The following DIS3L2 variants were observed in gnomAD, a reference collection of about 807,000 sequenced individuals.
The protein encoded by DIS3L2 is DIS3 like 3'-5' exoribonuclease 2.
Under a neutral mutation model 97.5 loss-of-function variants are expected in DIS3L2, and 34 were observed. The ratio of observed to expected loss-of-function variants is 0.35; its 90% CI spans 0.27 to 0.46. The LOEUF (loss-of-function observed/expected upper bound fraction) is 0.46, where lower values mean the gene tolerates loss of function less well. Among genes scored for constraint, DIS3L2 ranks in the 20% least tolerant of loss-of-function variants. The pLI, the probability that DIS3L2 is intolerant of heterozygous loss-of-function variation, is 1.00. For missense variants in DIS3L2, 1,038 were observed against 1,146.0 expected, an observed-to-expected ratio of 0.91 and a Z score of 1.36; for synonymous variants, 435 against 445.2, an observed-to-expected ratio of 0.98 and a Z score of 0.29.
chr2:232,097,008 G>A (rs1374492842), intron 6 of DIS3L2, among the ~76,000 whole-genome samples: 2 of 152,196 alleles, frequency 1.3e-5, no homozygotes, highest in Non-Finnish European at 2.9e-5. Context: ...ACATTGAAGA[G>A]TTAGGTATTT....
At chr2:232,083,877 C>T (rs1302761865) in intron 5 of DIS3L2, among the ~76,000 whole-genome samples, 1 of 152,138 alleles carries the variant, frequency 6.6e-6, no homozygotes, top group Non-Finnish European at 1.5e-5. Context: ...GAACTTCTCT[C>T]TCTGAGATAA....
chr2:232,013,421 A>G (rs1057118843), intron 1 of DIS3L2, among the ~76,000 whole-genome samples: 3 of 152,148 alleles, frequency 2.0e-5, no homozygotes, highest in Non-Finnish European at 1.5e-5. Context: ...CTCCCTTCAT[A>G]TAGGCTGGAC....
At chr2:232,146,603 A>G (rs911994645) in intron 8 of DIS3L2, among the ~76,000 whole-genome samples, 5 of 152,244 alleles carry the variant, frequency 3.3e-5, no homozygotes, top group South Asian at 2.1e-4. Flanking sequence ...TCTTGATGAC[A>G]TGTGACACAA....
intron 16 of DIS3L2, 84 bp from the exon 17 acceptor site, chr2:232,333,756 G>GAATAGCCA: frequency 6.7e-7 from 1 of 1,487,198 alleles, no homozygotes; most frequent in Non-Finnish European, 8.9e-7. Flanking sequence ...CGCTGCCGAC[G>GAATAGCCA]GTGAGGCTGT....
At chr2:231,963,808 T>TC (rs1409662878) in intron 1 of DIS3L2, among the ~76,000 whole-genome samples, 1 of 152,172 alleles carries the variant, frequency 6.6e-6, no homozygotes, top group Non-Finnish European at 1.5e-5. Context: ...AGCCTCGATT[T>TC]CCCAGGCTCA....
intron 1 of DIS3L2, among the ~76,000 whole-genome samples, chr2:231,969,088 C>A (rs1355335717): frequency 6.6e-6 from 1 of 152,072 alleles, no homozygotes; most frequent in Non-Finnish European, 1.5e-5. Context: ...TGAGTCTTTC[C>A]CAGCCGTGTG....
chr2:232,086,654 T>TACAC (rs1696650495), intron 5 of DIS3L2, among the ~76,000 whole-genome samples: 4 of 51,418 alleles, frequency 7.8e-5, no homozygotes, highest in African/African-American at 3.3e-4. Flanking sequence ...TGTATATATA[T>TACAC]ATATATGTGT....
intron 14 of DIS3L2, 26 bp from the exon 15 acceptor site, chr2:232,329,787 C>CCCGGGGGGGGGG: frequency 1.5e-5 from 16 of 1,062,196 alleles, no homozygotes; most frequent in South Asian, 2.1e-5. Flanking sequence ...CCCAGCGGTC[C>CCCGGGGGGGGGG]CTCCCATCCC....
chr2:232,047,394 AT>A (rs1695271646), intron 5 of DIS3L2, among the ~76,000 whole-genome samples: 1 of 152,212 alleles, frequency 6.6e-6, no homozygotes, highest in Non-Finnish European at 1.5e-5. Flanking sequence ...TTAAATGACT[AT>A]ATTTGAGGTT....
At chr2:232,020,134 T>C (rs1694472230) in intron 3 of DIS3L2, among the ~76,000 whole-genome samples, 1 of 151,996 alleles carries the variant, frequency 6.6e-6, no homozygotes, top group Non-Finnish European at 1.5e-5. Flanking sequence ...ATGGGACAAG[T>C]GGAGAGTTAG....
At chr2:232,052,859 C>T (rs560358989) in intron 5 of DIS3L2, among the ~76,000 whole-genome samples, 33 of 152,064 alleles carry the variant, frequency 2.2e-4, no homozygotes, top group Non-Finnish European at 3.8e-4. Context: ...TGTTCACATT[C>T]CAGTGGCATT....
chr2:232,254,539 G>T (rs565834870), intron 12 of DIS3L2, among the ~76,000 whole-genome samples: 1 of 151,850 alleles, frequency 6.6e-6, no homozygotes, highest in Non-Finnish European at 1.5e-5. Flanking sequence ...GCTTATTTTC[G>T]TGAAAGTTTA....
intron 6 of DIS3L2, among the ~76,000 whole-genome samples, chr2:232,113,936 G>C (rs1255210589): frequency 6.6e-6 from 1 of 152,060 alleles, no homozygotes; most frequent in Non-Finnish European, 1.5e-5. Flanking sequence ...ACTCTCATAA[G>C]ATCAGTGCTT....
intron 1 of DIS3L2, among the ~76,000 whole-genome samples, chr2:231,986,125 T>A (rs1441252814): frequency 6.6e-6 from 1 of 152,262 alleles, no homozygotes; most frequent in Admixed American, 6.5e-5. Flanking sequence ...CCCGGGGCTC[T>A]TGGGCTTTCA....
At position 232,263,189 on chromosome 2, in the gene DIS3L2, A is replaced by G. The variant is rs1429732511; in HGVS notation, c.1426-18A>G. 6.2e-7 allele frequency: 1 copy of G among 1,612,458 alleles called. No individual in the cohort carries two copies. Among genetic ancestry groups the G allele is most frequent in the Non-Finnish European group, 8.5e-7 (1 of 1,178,554 alleles). On this transcript the variant is annotated intron_variant, in intron 12 of 20. Coordinates refer to ENST00000325385, the MANE Select transcript of DIS3L2 (RefSeq NM_152383.5). ...CATTTGTCCTCACAATTCCCTTGTA[A>G]TCTGTCCATCTTTGCAGATCCTTGA...
At chr2:232,086,107 T>C (rs1007299084) in intron 5 of DIS3L2, among the ~76,000 whole-genome samples, 5 of 152,122 alleles carry the variant, frequency 3.3e-5, no homozygotes, top group Admixed American at 6.5e-5. Context: ...TGGATTTTTT[T>C]CCTCTACTTG....
chr2:232,201,786 C>T (rs973358152), intron 9 of DIS3L2, among the ~76,000 whole-genome samples: 5 of 151,972 alleles, frequency 3.3e-5, no homozygotes, highest in Non-Finnish European at 5.9e-5. Context: ...CTTGGTAATT[C>T]AGATGTCAAA....
chr2:232,333,906 G>A lies in DIS3L2; in HGVS notation c.2077G>A (p.Val693Met), dbSNP rs1553551585. Residue 693 changes from valine to methionine, a missense_variant, in exon 17 of 21, where the codon GTG (valine) becomes ATG (methionine). Physicochemically the swap from Val to Met is conservative, Grantham distance 21. Coordinates refer to ENST00000325385, the MANE Select transcript of DIS3L2 (RefSeq NM_152383.5). ...PAQFRHYALNVPLYTHFTSPI... is the reference protein window; with the variant it reads ...PAQFRHYALNMPLYTHFTSPI... ...GCAGTTCCGGCACTACGCGCTCAAT[G>A]TGCCCCTGTACACACACTTCACCTC... is the stretch of plus-strand genomic sequence containing the variant. The A allele has an allele frequency of 6.2e-7, 1 of 1,612,888 alleles. No individual in the cohort carries two copies.
intron 10 of DIS3L2, among the ~76,000 whole-genome samples, chr2:232,216,010 C>G (rs566144950): frequency 1.9e-3 from 283 of 152,302 alleles, no homozygotes; most frequent in Non-Finnish European, 3.4e-3. Context: ...TGCCCTGCTT[C>G]CTCCTCTTGC....
Sources: allele counts gnomAD v4.1 joint callset (sites outside exome capture counted in the v4.1 genomes callset), GRCh38; gene constraint gnomAD v4.1.1; transcripts MANE v1.5; gene names NCBI Gene and HGNC (gene_info 2026-07-23, HGNC 2026-07-21).